Variants in TRAF2 observed in about 807,000 individuals in gnomAD.
TRAF2 encodes TNF receptor associated factor 2, also known as TNF receptor-associated factor 2.
In TRAF2, 6 loss-of-function variants were observed where a neutral mutation model predicts 55.6. That is an observed-to-expected ratio of 0.11 (90% CI 0.06 to 0.21). TRAF2 has a LOEUF of 0.21. TRAF2 is among the 10% of genes least tolerant of loss of function. The probability of loss-of-function intolerance (pLI) is 1.00; values close to 1 mark genes in which losing one functional copy is unlikely to be tolerated. For missense variants in TRAF2, 561 were observed against 684.5 expected (o/e 0.82, Z 2.01); for synonymous variants, 329 against 276.3 (o/e 1.19, Z -1.89).
intron 1 of TRAF2, among the ~76,000 whole-genome samples, chr9:136,894,430 A>C (rs1184052828): frequency 6.6e-6 from 1 of 152,086 alleles, no homozygotes; most frequent in African/African-American, 2.4e-5. Flanking sequence ...GTTGGAGGCA[A>C]GTCTCGGAAG....
chr9:136,887,158 G>C (rs2131269470), intron 1 of TRAF2, among the ~76,000 whole-genome samples: 1 of 152,346 alleles, frequency 6.6e-6, no homozygotes, highest in East Asian at 1.9e-4. Flanking sequence ...GGGAGGGTCG[G>C]GGGCAGCAAG....
intron 4 of TRAF2, 53 bp from the exon 5 acceptor site, chr9:136,908,017 C>A: frequency 3.2e-6 from 5 of 1,555,570 alleles, no homozygotes; most frequent in South Asian, 1.2e-5. Context: ...GAAGCTGTGG[C>A]TGCCCAAATG....
chr9:136,893,145 T>C (rs1486239464), intron 1 of TRAF2, among the ~76,000 whole-genome samples: 1 of 152,184 alleles, frequency 6.6e-6, no homozygotes, highest in Non-Finnish European at 1.5e-5. Context: ...CACATAGCTC[T>C]GCCGCCCACA....
intron 5 of TRAF2, 105 bp downstream of exon 5, chr9:136,908,336 C>G (rs183602382): frequency 1.8e-4 from 233 of 1,281,470 alleles, no homozygotes; most frequent in Non-Finnish European, 2.3e-4. Context: ...TGCACTCGTT[C>G]CACCCCCTCG....
At chr9:136,924,241 A>T (rs906601405) in intron 10 of TRAF2, among the ~76,000 whole-genome samples, 7 of 152,210 alleles carry the variant, frequency 4.6e-5, no homozygotes, top group Non-Finnish European at 7.3e-5. Flanking sequence ...GACCTGTCAG[A>T]TAAATATAAA....
At position 136,886,789 on chromosome 9, in the gene TRAF2, C is replaced by G. The variant is rs561747289; in HGVS notation, c.-29+248C>G. 2.2e-3 allele frequency: 409 copies of G among 184,546 alleles called. 3 individuals are homozygous for G. Among genetic ancestry groups the G allele is most frequent in the African/African-American group, 9.2e-3 (388 of 42,016 alleles). The allele number at this position is 184,546 out of a possible 1,614,324, so 11.4% of individuals were successfully genotyped here. A position where few individuals can be genotyped will look rare whatever the true frequency, so the allele number is the denominator to read the frequency against. ...AAGTTCGGGAACGCGCGCGGCCGTGCTCGGAGCAGCGCCAGGGCACGGTCC... is the reference window on the plus strand; with the variant it reads ...AAGTTCGGGAACGCGCGCGGCCGTGGTCGGAGCAGCGCCAGGGCACGGTCC... On this transcript the variant is annotated intron_variant, in intron 1 of 10. Coordinates refer to ENST00000247668, the MANE Select transcript of TRAF2 (RefSeq NM_021138.4).
chr9:136,882,151 G>T (rs1390783744), upstream of TRAF2: 2 of 661,864 alleles, frequency 3.0e-6, no homozygotes, highest in African/African-American at 2.0e-5. Flanking sequence ...GGGCTCTGTC[G>T]TCCCAAGACC....
At chr9:136,916,993 T>G (rs960031862) in intron 7 of TRAF2, among the ~76,000 whole-genome samples, 1 of 152,098 alleles carries the variant, frequency 6.6e-6, no homozygotes. Flanking sequence ...AGGGCAGCAC[T>G]CTAACCCAGC....
At chr9:136,886,719 G>A in intron 1 of TRAF2, 178 bp downstream of exon 1, 1 of 384,660 alleles carries the variant, frequency 2.6e-6, no homozygotes, top group Non-Finnish European at 3.6e-6. Flanking sequence ...GGATTTCTCT[G>A]AGCCGCTGGG....
At chr9:136,923,568 G>A (rs555969932) in intron 9 of TRAF2, among the ~76,000 whole-genome samples, 56 of 135,680 alleles carry the variant, frequency 4.1e-4, no homozygotes, top group South Asian at 3.2e-3. Flanking sequence ...CTGAGATTGC[G>A]CCACTGCACT....
chr9:136,922,916 G>A (rs533514530), intron 9 of TRAF2, among the ~76,000 whole-genome samples: 12 of 148,326 alleles, frequency 8.1e-5, no homozygotes, highest in African/African-American at 2.7e-4. Context: ...TGGGCTTGGG[G>A]GCACGCGGTG....
intron 9 of TRAF2, 103 bp downstream of exon 9, chr9:136,921,318 G>T: frequency 7.0e-7 from 1 of 1,420,190 alleles, no homozygotes; most frequent in East Asian, 2.3e-5. Flanking sequence ...GGTGGGGCTG[G>T]GATACGACCC....
chr9:136,909,384 G>A (rs776036384), intron 5 of TRAF2, among the ~76,000 whole-genome samples: 8 of 152,182 alleles, frequency 5.3e-5, no homozygotes, highest in Non-Finnish European at 1.2e-4. Context: ...GTCTCTCTCT[G>A]CCTCTGGGGC....
chr9:136,916,836 C>T (rs1247013013), intron 7 of TRAF2, among the ~76,000 whole-genome samples: 2 of 152,158 alleles, frequency 1.3e-5, no homozygotes, highest in African/African-American at 2.4e-5. Context: ...GCTTTGACTG[C>T]CACCTGTCTC....
At chr9:136,914,901 CG>C (rs1850204243) in intron 6 of TRAF2, among the ~76,000 whole-genome samples, 1 of 151,946 alleles carries the variant, frequency 6.6e-6, no homozygotes, top group Non-Finnish European at 1.5e-5. Context: ...AAAAAAAGGC[CG>C]GGTGCGGTGG....
At position 136,920,371 on chromosome 9, in the gene TRAF2, C is replaced by T. The variant is rs145264551; in HGVS notation, c.816C>T (p.Cys272=). 3.0e-5 allele frequency: 49 copies of T among 1,613,948 alleles called. No individual in the cohort carries two copies. Among genetic ancestry groups the T allele is most frequent in the African/African-American group, 5.3e-5 (4 of 74,920 alleles). Residue 272 remains cysteine, a synonymous_variant, in exon 8 of 11, where the codon TGC becomes TGT. Coordinates refer to ENST00000247668, the MANE Select transcript of TRAF2 (RefSeq NM_021138.4). ...CGGGGTCAGAGCTCCTGCAGAGGTG[C>T]GAGAGCCTGGAGAAGAAGACGGCCA... ...SHAGSELLQR[C]ESLEKKTATF...
At chr9:136,891,208 G>C (rs1278723128) in intron 1 of TRAF2, among the ~76,000 whole-genome samples, 4 of 152,104 alleles carry the variant, frequency 2.6e-5, no homozygotes, top group African/African-American at 9.7e-5. Context: ...TCTCAGGTTT[G>C]AGCGATTCTT....
intron 6 of TRAF2, among the ~76,000 whole-genome samples, chr9:136,910,868 G>T (rs934357882): frequency 6.6e-6 from 1 of 152,220 alleles, no homozygotes; most frequent in Non-Finnish European, 1.5e-5. Flanking sequence ...TAAATGTCCC[G>T]CACTGTGAGC....
At chr9:136,912,438 G>A (rs556866777) in intron 6 of TRAF2, among the ~76,000 whole-genome samples, 1 of 152,150 alleles carries the variant, frequency 6.6e-6, no homozygotes, top group Non-Finnish European at 1.5e-5. Context: ...GGGATTACAG[G>A]CGTGAGCCAC....
Sources: allele counts gnomAD v4.1 joint callset (sites outside exome capture counted in the v4.1 genomes callset), GRCh38; gene constraint gnomAD v4.1.1; transcripts MANE v1.5; gene names NCBI Gene and HGNC (gene_info 2026-07-23, HGNC 2026-07-21).